Variants in KCNMA1 observed in about 807,000 individuals in gnomAD.
KCNMA1 encodes potassium calcium-activated channel subfamily M alpha 1, also known as Calcium-activated potassium channel subunit alpha-1.
Under a neutral mutation model 140.0 loss-of-function variants are expected in KCNMA1, and 29 were observed. The observed-to-expected ratio is 0.21, with a 90% confidence interval of 0.15 to 0.28. The LOEUF (loss-of-function observed/expected upper bound fraction) is 0.28. Ranked by LOEUF, KCNMA1 falls within the 10% of genes least tolerant of loss-of-function variation. The probability of loss-of-function intolerance (pLI) is 1.00; values close to 1 mark genes in which losing one functional copy is unlikely to be tolerated. For missense variants in KCNMA1, 880 were observed against 1,602.2 expected, an observed-to-expected ratio of 0.55 and a Z score of 7.70; for synonymous variants, 612 against 611.9, an observed-to-expected ratio of 1.00 and a Z score of 0.00.
chr10:77,280,778 C>T (rs1363556965), intron 2 of KCNMA1, among the ~76,000 whole-genome samples: 1 of 151,900 alleles, frequency 6.6e-6, no homozygotes, highest in East Asian at 1.9e-4. Context: ...ATCCTTTCAC[C>T]TTGGCATCCC....
At chr10:76,905,747 T>C (rs1025209517) in intron 25 of KCNMA1, among the ~76,000 whole-genome samples, 1 of 152,218 alleles carries the variant, frequency 6.6e-6, no homozygotes, top group African/African-American at 2.4e-5. Flanking sequence ...AAATCAATTA[T>C]CCTTATGTGA....
chr10:76,968,706 C>A (rs1321166780), intron 20 of KCNMA1, among the ~76,000 whole-genome samples: 2 of 152,136 alleles, frequency 1.3e-5, no homozygotes, highest in Middle Eastern at 3.2e-3. Context: ...GCAAATCAGC[C>A]AAACCCAAGG....
intron 3 of KCNMA1, among the ~76,000 whole-genome samples, chr10:77,186,634 GA>G (rs1270722746): frequency 6.6e-6 from 1 of 152,128 alleles, no homozygotes; most frequent in African/African-American, 2.4e-5. Flanking sequence ...TCAAAAACAA[GA>G]CCCAAAGGTC....
At chr10:77,395,590 G>GT (rs1484634781) in intron 2 of KCNMA1, among the ~76,000 whole-genome samples, 4 of 152,234 alleles carry the variant, frequency 2.6e-5, no homozygotes, top group Non-Finnish European at 4.4e-5. Flanking sequence ...CAGGACTTCT[G>GT]TAAGTATTTA....
chr10:77,632,327 G>A (rs1037120713), intron 1 of KCNMA1, among the ~76,000 whole-genome samples: 1 of 152,188 alleles, frequency 6.6e-6, no homozygotes, highest in African/African-American at 2.4e-5. Flanking sequence ...AAGAGACCGT[G>A]ACATCACTTG....
intron 5 of KCNMA1, among the ~76,000 whole-genome samples, chr10:77,168,326 C>T (rs2098666123): frequency 6.6e-6 from 1 of 152,120 alleles, no homozygotes; most frequent in African/African-American, 2.4e-5. Context: ...CAATACCTGC[C>T]ACAAAATATA....
chr10:76,901,090 A>G (rs920509398), intron 25 of KCNMA1, among the ~76,000 whole-genome samples: 2 of 152,132 alleles, frequency 1.3e-5, no homozygotes, highest in East Asian at 3.9e-4. Flanking sequence ...AGTCCTATGG[A>G]GGCTCTGCAA....
intron 2 of KCNMA1, among the ~76,000 whole-genome samples, chr10:77,314,928 AC>A (rs1312609352): frequency 5.4e-5 from 1 of 18,474 alleles, no homozygotes; most frequent in African/African-American, 3.8e-4. Context: ...CCCCCAACAC[AC>A]ACACACACAC....
intron 1 of KCNMA1, among the ~76,000 whole-genome samples, chr10:77,430,400 T>C (rs1418575486): frequency 6.6e-6 from 1 of 152,222 alleles, no homozygotes; most frequent in Non-Finnish European, 1.5e-5. Context: ...TGCCTTTAAA[T>C]ACTGAAGTTC....
At chr10:77,414,046 C>A (rs2154478998) in intron 1 of KCNMA1, among the ~76,000 whole-genome samples, 1 of 152,318 alleles carries the variant, frequency 6.6e-6, no homozygotes, top group East Asian at 1.9e-4. Context: ...GTGTGAACAA[C>A]TACTCTTTGG....
intron 16 of KCNMA1, among the ~76,000 whole-genome samples, chr10:77,023,465 G>C (rs993038568): frequency 1.3e-5 from 2 of 152,130 alleles, no homozygotes; most frequent in African/African-American, 2.4e-5. Context: ...TGATAACGTA[G>C]TAATTATATT....
intron 1 of KCNMA1, among the ~76,000 whole-genome samples, chr10:77,512,364 T>C (rs571973202): frequency 4.0e-4 from 61 of 152,356 alleles, no homozygotes; most frequent in African/African-American, 1.4e-3. Context: ...TGCTCTGTAA[T>C]GAGACAGAGC....
At chr10:77,188,932 C>T (rs1245238761) in intron 3 of KCNMA1, among the ~76,000 whole-genome samples, 2 of 152,120 alleles carry the variant, frequency 1.3e-5, no homozygotes, top group African/African-American at 2.4e-5. Context: ...TCACCCGCTC[C>T]TCACAGCCTC....
intron 5 of KCNMA1, among the ~76,000 whole-genome samples, chr10:77,133,841 A>G (rs185866112): frequency 9.9e-4 from 151 of 152,322 alleles, no homozygotes; most frequent in Admixed American, 2.5e-3. Context: ...AACTGACCAC[A>G]TATTAGGCCA....
At chr10:77,565,049 G>C (rs1447896982) in intron 1 of KCNMA1, among the ~76,000 whole-genome samples, 3 of 152,210 alleles carry the variant, frequency 2.0e-5, no homozygotes, top group African/African-American at 7.2e-5. Context: ...ACTGCCTCTC[G>C]GCCAAATCGC....
intron 2 of KCNMA1, among the ~76,000 whole-genome samples, chr10:77,324,310 T>C (rs918975310): frequency 6.6e-6 from 1 of 152,174 alleles, no homozygotes; most frequent in Admixed American, 6.5e-5. Context: ...TTTTCCAGTG[T>C]CCTGTAAAAT....
chr10:76,910,896 C>G (rs769744349), intron 24 of KCNMA1: 1 of 152,476 alleles, frequency 6.6e-6, no homozygotes, highest in Non-Finnish European at 1.5e-5. Context: ...CCCGCATGTA[C>G]GTGCAGGCTG....
chr10:77,184,927 G>A lies in KCNMA1; in HGVS notation c.603-11C>T, dbSNP rs1175456254. 1.3e-6 allele frequency: 2 copies of A among 1,550,506 alleles called. No individual in the cohort carries two copies. The highest frequency in any genetic ancestry group is 2.7e-5 in the African/African-American group (2 of 73,494). On this transcript the variant is annotated splice_polypyrimidine_tract_variant and intron_variant, in intron 3 of 27. Coordinates refer to ENST00000286628, the MANE Select transcript of KCNMA1 (RefSeq NM_001161352.2). ...CAGGATTCTATTGGGCTATTAGACAGGAAGAAGAAAAAGCAAGAGGTAAAT... is the reference window on the plus strand; with the variant it reads ...CAGGATTCTATTGGGCTATTAGACAAGAAGAAGAAAAAGCAAGAGGTAAAT...
chr10:77,327,618 G>C (rs1263944999), intron 2 of KCNMA1, among the ~76,000 whole-genome samples: 2 of 152,046 alleles, frequency 1.3e-5, no homozygotes, highest in Non-Finnish European at 2.9e-5. Flanking sequence ...GCCTCTCAAA[G>C]TGCTAGGATT....
Sources: allele counts gnomAD v4.1 joint callset (sites outside exome capture counted in the v4.1 genomes callset), GRCh38; gene constraint gnomAD v4.1.1; transcripts MANE v1.5; gene names NCBI Gene and HGNC (gene_info 2026-07-23, HGNC 2026-07-21).